The following CALD1 variants were observed in gnomAD, a reference collection of about 807,000 sequenced individuals.
The protein encoded by CALD1 is caldesmon 1.
In CALD1, 33 loss-of-function variants were observed where a neutral mutation model predicts 99.9. The ratio of observed to expected loss-of-function variants is 0.33; its 90% CI spans 0.25 to 0.44. The LOEUF is 0.44. Among genes scored for constraint, CALD1 ranks in the 20% least tolerant of loss-of-function variants. The pLI, the probability that CALD1 is intolerant of heterozygous loss-of-function variation, is 1.00. For synonymous variants in CALD1, 310 were observed against 325.0 expected, an observed-to-expected ratio of 0.95 and a Z score of 0.50; for missense variants, 861 against 962.1, an observed-to-expected ratio of 0.89 and a Z score of 1.39.
intron 13 of CALD1, among the ~76,000 whole-genome samples, chr7:134,964,988 C>T (rs144971207): frequency 3.9e-4 from 60 of 152,122 alleles, no homozygotes; most frequent in East Asian, 3.5e-3. Context: ...TGGTGGCACA[C>T]GCCTGTAATC....
chr7:134,734,461 C>A, the CALD1 span, among the ~76,000 whole-genome samples: 1 of 152,158 alleles, frequency 6.6e-6, no homozygotes, highest in East Asian at 1.9e-4. Flanking sequence ...TGGCTATCTG[C>A]GAAAAGAGTG....
At chr7:134,798,620 G>T (rs1243963222) in intron 1 of CALD1, among the ~76,000 whole-genome samples, 4 of 152,184 alleles carry the variant, frequency 2.6e-5, no homozygotes, top group Admixed American at 6.5e-5. Context: ...AAAGACTTTG[G>T]CCAGTTTAAA....
At chr7:134,904,300 G>C (rs538767428) in intron 3 of CALD1, among the ~76,000 whole-genome samples, 1 of 152,138 alleles carries the variant, frequency 6.6e-6, no homozygotes, top group East Asian at 1.9e-4. Context: ...ATGCCAGCTG[G>C]CCATGCATGG....
intron 4 of CALD1, 151 bp downstream of exon 4, chr7:134,929,051 T>C (rs1280341797): frequency 1.5e-6 from 1 of 650,950 alleles, no homozygotes; most frequent in Non-Finnish European, 2.6e-6. Context: ...TTTAGGCAAC[T>C]AATCTGATTA....
intron 1 of CALD1, among the ~76,000 whole-genome samples, chr7:134,840,728 C>T (rs1799617348): frequency 6.6e-6 from 1 of 152,294 alleles, no homozygotes; most frequent in Non-Finnish European, 1.5e-5. Context: ...TAAAACAAAC[C>T]TGGGTTTTAA....
chr7:134,900,860 A>G (rs1802940007), intron 3 of CALD1, among the ~76,000 whole-genome samples: 1 of 152,086 alleles, frequency 6.6e-6, no homozygotes, highest in Admixed American at 6.6e-5. Flanking sequence ...GAGAAATGGC[A>G]TGATATCTTC....
At chr7:134,818,057 A>G (rs922310997) in intron 1 of CALD1, among the ~76,000 whole-genome samples, 6 of 152,212 alleles carry the variant, frequency 3.9e-5, no homozygotes, top group Middle Eastern at 3.2e-3. Context: ...ATGCACAGAT[A>G]GCATTCCTTG....
intron 3 of CALD1, among the ~76,000 whole-genome samples, chr7:134,882,790 G>A (rs1269766030): frequency 6.6e-6 from 1 of 152,166 alleles, no homozygotes; most frequent in Admixed American, 6.5e-5. Flanking sequence ...TGAGTTCAAA[G>A]TTTAGATTTC....
intron 3 of CALD1, among the ~76,000 whole-genome samples, chr7:134,883,716 T>C (rs1801714234): frequency 6.6e-6 from 1 of 152,248 alleles, no homozygotes; most frequent in Non-Finnish European, 1.5e-5. Flanking sequence ...GCATTTCTGA[T>C]AAATACAATT....
the CALD1 span, among the ~76,000 whole-genome samples, chr7:134,712,549 C>T: frequency 6.6e-6 from 1 of 152,210 alleles, no homozygotes; most frequent in East Asian, 1.9e-4. Flanking sequence ...AAATGTCCCA[C>T]CTGGGACAAT....
intron 1 of CALD1, among the ~76,000 whole-genome samples, chr7:134,786,048 C>G (rs1797291557): frequency 6.6e-6 from 1 of 152,062 alleles, no homozygotes; most frequent in South Asian, 2.1e-4. Context: ...AAAATGTGGT[C>G]ACTGATAGTG....
chr7:134,901,033 A>G (rs972899456), intron 3 of CALD1, among the ~76,000 whole-genome samples: 1 of 152,154 alleles, frequency 6.6e-6, no homozygotes, highest in Non-Finnish European at 1.5e-5. Flanking sequence ...TTGTACCACT[A>G]TACGTTGGCT....
intron 2 of CALD1, among the ~76,000 whole-genome samples, chr7:134,857,564 C>T (rs1375878053): frequency 1.3e-5 from 2 of 152,026 alleles, no homozygotes; most frequent in Non-Finnish European, 2.9e-5. Context: ...ATCTAAATGA[C>T]TCATTACTAT....
chr7:134,847,740 G>C (rs62479510), intron 2 of CALD1, among the ~76,000 whole-genome samples: 4,251 of 152,280 alleles, frequency 0.028, 101 homozygotes, highest in South Asian at 0.14. Flanking sequence ...CTTTCTGCCT[G>C]GCATGACCAT....
intron 1 of CALD1, among the ~76,000 whole-genome samples, chr7:134,798,301 G>T (rs1160311259): frequency 6.6e-6 from 1 of 152,138 alleles, no homozygotes; most frequent in African/African-American, 2.4e-5. Context: ...CTGTTCTCTG[G>T]TTTGTTTCCC....
At chr7:134,935,041 A>G (rs1805851433) in intron 5 of CALD1, among the ~76,000 whole-genome samples, 1 of 152,226 alleles carries the variant, frequency 6.6e-6, no homozygotes. Flanking sequence ...AGACTTGCAG[A>G]AAGCCATTAA....
chr7:134,717,404 T>C, the CALD1 span, among the ~76,000 whole-genome samples: 1 of 152,224 alleles, frequency 6.6e-6, no homozygotes, highest in Non-Finnish European at 1.5e-5. Context: ...GTACCTTGCT[T>C]ACAATGGCCA....
intron 3 of CALD1, among the ~76,000 whole-genome samples, chr7:134,896,666 T>C (rs1802597295): frequency 6.6e-6 from 1 of 152,252 alleles, no homozygotes. Context: ...CAATTTGCAT[T>C]GCTGTCTGCG....
chr7:134,755,728 T>C (rs994865001), intron 1 of CALD1, among the ~76,000 whole-genome samples: 4 of 152,230 alleles, frequency 2.6e-5, no homozygotes, highest in African/African-American at 7.2e-5. Flanking sequence ...TACATTTTAC[T>C]TGTGTTATTT....
Sources: allele counts gnomAD v4.1 joint callset (sites outside exome capture counted in the v4.1 genomes callset), GRCh38; gene constraint gnomAD v4.1.1; transcripts MANE v1.5; gene names NCBI Gene and HGNC (gene_info 2026-07-23, HGNC 2026-07-21).